The following RIF1 variants were observed in gnomAD, a reference collection of about 807,000 sequenced individuals.
The protein encoded by RIF1 is replication timing regulatory factor 1, also known as telomere-associated protein RIF1.
A neutral mutation model predicts 247.1 loss-of-function variants in RIF1; 45 were observed. The observed-to-expected ratio is 0.18, with a 90% confidence interval of 0.14 to 0.23. RIF1 has a LOEUF of 0.23. RIF1 is among the 10% of genes least tolerant of loss of function. RIF1 has a pLI of 1.00. For synonymous variants in RIF1, 1,087 were observed against 978.8 expected (o/e 1.11, Z -2.06); for missense variants, 2,967 against 2,862.5 (o/e 1.04, Z -0.83).
At chr2:151,487,298 A>G (rs1226019743) in intron 9 of RIF1, among the ~76,000 whole-genome samples, 2 of 152,214 alleles carry the variant, frequency 1.3e-5, no homozygotes, top group Non-Finnish European at 2.9e-5. Context: ...ATAATAAGTG[A>G]TAATATCAAA....
In RIF1 at chr2:151,437,252, C is replaced by T; in HGVS notation, c.1384C>T (p.His462Tyr). The change falls in exon 13 of 36, where the codon CAT becomes TAT. Residue 462 changes from histidine to tyrosine, a missense_variant. By Grantham distance (83) the His-to-Tyr change is moderately conservative. Around this residue, in one of 7 missense-constraint regions of RIF1, gnomAD observed 369 missense variants for 322.0 expected, o/e 1.15. Transcript: ENST00000444746. ...TTCTTCCCTTTCAGAGCCATTGGAA[C>T]ATCCGTTAATCAGCAGCCCTTCCTT... ...KLVLSLEPLE[H>Y]PLISSPSFFS... 5.6e-6 allele frequency: 9 copies of T among 1,610,008 alleles called. No individual in the cohort carries two copies. The highest frequency in any genetic ancestry group is 7.7e-6 in the Non-Finnish European group (9 of 1,176,332).
At chr2:151,439,114 T>G (rs1171168689) in intron 14 of RIF1, among the ~76,000 whole-genome samples, 1 of 152,152 alleles carries the variant, frequency 6.6e-6, no homozygotes, top group African/African-American at 2.4e-5. Flanking sequence ...AAAAGAATGT[T>G]AGGAAAATCA....
chr2:151,465,442 T>C lies in RIF1; in HGVS notation c.5922T>C (p.Ser1974=). 2 of 1,613,942 alleles carry C rather than the reference T, an allele frequency of 1.2e-6. No individual in the cohort carries two copies. Among genetic ancestry groups the C allele is most frequent in the South Asian group, 2.2e-5 (2 of 91,048 alleles). ...CTGAGGAATTTAATTCAGATATTAG[T>C]CTTTCTGATAATACTACACCTGTAA... The part of the protein sequence containing the change: ...VATEEFNSDI[S]LSDNTTPVKL... The change falls in exon 30 of 36, where the codon AGT becomes AGC. Residue 1974 remains serine, a synonymous_variant. Transcript: ENST00000444746.
chr2:151,412,730 G>T (rs573915977), intron 3 of RIF1, among the ~76,000 whole-genome samples: 1 of 151,958 alleles, frequency 6.6e-6, no homozygotes, highest in Non-Finnish European at 1.5e-5. Context: ...TGATCCACCC[G>T]CCTTGGCCTC....
At chr2:151,436,249 A>G (rs1448913767) in intron 11 of RIF1, among the ~76,000 whole-genome samples, 2 of 151,834 alleles carry the variant, frequency 1.3e-5, no homozygotes, top group Admixed American at 1.3e-4. Context: ...TAAAACAAAA[A>G]CAACACTTCA....
intron 11 of RIF1, among the ~76,000 whole-genome samples, chr2:151,435,996 A>G (rs1407546674): frequency 6.6e-6 from 1 of 152,032 alleles, no homozygotes; most frequent in African/African-American, 2.4e-5. Context: ...GGCCGAGCCC[A>G]GCAGATCACT....
rs748520200 is a variant in RIF1, at chr2:151,455,050, A to C, written c.2500A>C (p.Ile834Leu). 1.2e-6 allele frequency: 2 copies of C among 1,613,818 alleles called. No homozygotes were observed. Among genetic ancestry groups the C allele is most frequent in the African/African-American group, 2.7e-5 (2 of 75,022 alleles). Reference sequence around the variant, plus strand: ...TACCCTCTTCACTATTGGCAACTCAATCACCGGCATTATTTCCAGTGTACT... The same window carrying C: ...TACCCTCTTCACTATTGGCAACTCACTCACCGGCATTATTTCCAGTGTACT... ...SDTLFTIGNS[I>L]TGIISSVLGH... The change falls in exon 22 of 36, where the codon ATC (isoleucine) becomes CTC (leucine). Residue 834 changes from isoleucine to leucine, a missense_variant. Ile to Leu is a conservative substitution (Grantham distance 5). Around this residue, in one of 7 missense-constraint regions of RIF1, gnomAD observed 2,028 missense variants for 1,825.6 expected, o/e 1.11. Transcript: ENST00000444746.
At chr2:151,414,692 T>G in intron 3 of RIF1, 131 bp from the exon 4 acceptor site, 1 of 610,102 alleles carries the variant, frequency 1.6e-6, no homozygotes, top group Non-Finnish European at 2.9e-6. Context: ...TTATTTTTAT[T>G]TTTTATGCGT....
intron 8 of RIF1, among the ~76,000 whole-genome samples, chr2:151,424,281 TTTAG>T (rs1033556717): frequency 3.3e-5 from 5 of 152,276 alleles, no homozygotes; most frequent in Admixed American, 3.3e-4. Flanking sequence ...TTTTTGTGTT[TTTAG>T]TAGAGATAGG....
chr2:151,519,107 A>G, the RIF1 span: 1 of 1,304,316 alleles, frequency 7.7e-7, no homozygotes, highest in Non-Finnish European at 1.1e-6. Context: ...TCACGTAAAT[A>G]GGAAATGGAA....
chr2:151,420,441 TAAA>T, intron 7 of RIF1, 62 bp downstream of exon 7: 1 of 1,506,324 alleles, frequency 6.6e-7, no homozygotes, highest in Non-Finnish European at 9.1e-7. Flanking sequence ...GCACTAAGCT[TAAA>T]ATTCAGTCTG....
At position 151,497,657 on chromosome 2, in the gene RIF1, C is replaced by G. The variant is rs753382223; in HGVS notation, c.*514-1688C>G. ...AATATTTTCTTGATTGTGTTTGACT[C>G]TTTCCATCTCGGGAGTGACAGGTAA... is the stretch of plus-strand genomic sequence containing the variant. On this transcript the variant is annotated intron_variant and NMD_transcript_variant, in intron 10 of 13. Transcript: ENST00000454583. 1.9e-6 allele frequency: 3 copies of G among 1,583,708 alleles called. No homozygotes were observed. The highest frequency in any genetic ancestry group is 2.6e-6 in the Non-Finnish European group (3 of 1,162,484).
At chr2:151,427,463 G>A (rs1210111762) in intron 8 of RIF1, among the ~76,000 whole-genome samples, 1 of 150,672 alleles carries the variant, frequency 6.6e-6, no homozygotes, top group Non-Finnish European at 1.5e-5. Context: ...CGCCTGCCTT[G>A]GCCTCCCAGA....
Position 151,414,939 on chromosome 2 carries a change from CTT to C in RIF1, c.280+21_280+22del. Reference sequence around the variant, plus strand: ...TATCAGGTAGATAAATTTCTTATGACTTAATATTTTTAGAGTATAAAGTATAA... The same window carrying C: ...TATCAGGTAGATAAATTTCTTATGACAATATTTTTAGAGTATAAAGTATAA... On this transcript the variant is annotated intron_variant, in intron 4 of 35. Coordinates refer to ENST00000444746, the MANE Select transcript of RIF1 (RefSeq NM_018151.5). 1 of 1,456,418 alleles carries C rather than the reference CTT, an allele frequency of 6.9e-7. No individual in the cohort carries two copies. Among genetic ancestry groups the C allele is most frequent in the Non-Finnish European group, 9.6e-7 (1 of 1,042,412 alleles). 90.2% of individuals were successfully genotyped at this position (1,456,418 alleles called of 1,614,324 possible).
rs1222902227 is a variant in RIF1, at chr2:151,443,306, G to A, written c.1782G>A (p.Leu594=). ...TTCAATTAATTTTCAACAATTTCTT[G>A]GAATGTGGTGTATCAGATGAAAGGT... The part of the protein sequence containing the change: ...FLIQLIFNNF[L]ECGVSDERFF... The change falls in exon 17 of 36, where the codon TTG becomes TTA. Residue 594 remains leucine (L), a synonymous_variant. Transcript: ENST00000444746. 3 of 1,599,930 alleles carry A rather than the reference G, an allele frequency of 1.9e-6. No individual in the cohort carries two copies. Among genetic ancestry groups the A allele is most frequent in the South Asian group, 1.1e-5 (1 of 90,050 alleles).
At chr2:151,498,195 TAAATG>T (rs2061642877) in intron 10 of RIF1, 1 of 1,548,500 alleles carries the variant, frequency 6.5e-7, no homozygotes, top group Non-Finnish European at 8.7e-7. Context: ...CAAAAATAAA[TAAATG>T]TAAAGATCAG....
rs149897961 is a variant in RIF1 at position 151,457,811 on chromosome 2, C to T, written c.2703C>T (p.Thr901=). Residue 901 remains threonine, a synonymous_variant, in exon 24 of 36, where the codon ACC becomes ACT. Coordinates refer to ENST00000444746, the MANE Select transcript of RIF1 (RefSeq NM_018151.5). ...TTGCTTGTCTGCAATTCAGCTACAC[C>T]GGAACTTATGATAGTGAACTTCTTG... is the stretch of plus-strand genomic sequence containing the variant. ...EIIACLQFSY[T]GTYDSELLEQ... is the part of the protein sequence containing the mutation. 1,621 of 1,613,792 alleles carry T rather than the reference C, an allele frequency of 1.0e-3. 2 individuals carry two copies. Among genetic ancestry groups the T allele is most frequent in the Non-Finnish European group, 1.2e-3 (1,440 of 1,179,872 alleles).
At chr2:151,533,683 A>G in the RIF1 span, 1 of 599,678 alleles carries the variant, frequency 1.7e-6, no homozygotes, top group East Asian at 2.8e-5. Flanking sequence ...GCGGGTGAAG[A>G]CATCAAATAC....
the RIF1 span, chr2:151,513,512 G>A: frequency 1.6e-5 from 18 of 1,118,154 alleles, no homozygotes; most frequent in Non-Finnish European, 2.4e-5. Context: ...AGATGACAGA[G>A]GGACACTTTA....
Sources: allele counts gnomAD v4.1 joint callset (sites outside exome capture counted in the v4.1 genomes callset), GRCh38; gene constraint gnomAD v4.1.1; regional missense constraint gnomAD v4.1.1; transcripts MANE v1.5; gene names NCBI Gene and HGNC (gene_info 2026-07-23, HGNC 2026-07-21).